KLHL18: variants seen among roughly 807,000 people sequenced by gnomAD.
The protein encoded by KLHL18 is kelch like family member 18.
A neutral mutation model predicts 58.5 loss-of-function variants in KLHL18; 38 were observed. The ratio of observed to expected loss-of-function variants is 0.65; its 90% confidence interval spans 0.50 to 0.85. The LOEUF is 0.85. Ranked by LOEUF, KLHL18 falls within the 40% of genes least tolerant of loss-of-function variation. The pLI is 0.00. For synonymous variants in KLHL18, 303 were observed against 301.9 expected (o/e 1.00, Z -0.04); for missense variants, 624 against 778.4 (o/e 0.80, Z 2.36).
chr3:47,283,064 G>A lies in KLHL18; in HGVS notation c.99G>A (p.Arg33=), dbSNP rs2107558114. Residue 33 remains arginine (R), a synonymous_variant, in exon 1 of 10, where the codon CGG becomes CGA. Coordinates refer to ENST00000232766, the MANE Select transcript of KLHL18 (RefSeq NM_025010.5). The part of the protein sequence containing the change: ...RGYGVMEEIR[R]QGKLCDVTLK... ...ACGGCGTCATGGAGGAGATCCGGCG[G>A]CAGGGCAAGCTGTGCGACGTGACCC... 1.9e-6 allele frequency: 3 copies of A among 1,592,104 alleles called. No homozygotes were observed. Among genetic ancestry groups the A allele is most frequent in the Non-Finnish European group, 2.6e-6 (3 of 1,169,738 alleles).
At chr3:47,288,936 C>T (rs1702735191) in intron 1 of KLHL18, among the ~76,000 whole-genome samples, 1 of 152,228 alleles carries the variant, frequency 6.6e-6, no homozygotes. Flanking sequence ...GAGCCCAAGG[C>T]TCAGGAAGCA....
intron 8 of KLHL18, among the ~76,000 whole-genome samples, chr3:47,342,339 A>T (rs1196943232): frequency 6.6e-6 from 1 of 152,208 alleles, no homozygotes; most frequent in African/African-American, 2.4e-5. Context: ...ACCAGCCAGG[A>T]CTTGGGGGAC....
In KLHL18 at chr3:47,334,813, T is replaced by A. The variant is rs528570743; in HGVS notation, c.892T>A (p.Ser298Thr). The A allele has an allele frequency of 6.2e-7, 1 of 1,612,642 alleles. No individual in the cohort carries two copies. Among genetic ancestry groups the A allele is most frequent in the African/African-American group, 1.3e-5 (1 of 74,988 alleles). ...GLIYAVGGLNSAGDSLNVVEV... is the reference protein window; with the variant it reads ...GLIYAVGGLNTAGDSLNVVEV... The stretch of plus-strand genomic sequence containing the variant: ...TATCTACGCTGTAGGGGGCCTCAAC[T>A]CAGCAGGTACCTTGCGGCTCCCCTT... The change falls in exon 6 of 10, where the codon TCA becomes ACA. Residue 298 changes from serine to threonine, a missense_variant. Transcript: ENST00000232766. This position sits in a 1 kb window ranked among gnomAD's most constrained non-coding sequence, Gnocchi z 4.7.
At chr3:47,341,105 T>TA (rs1351509699) in intron 8 of KLHL18, among the ~76,000 whole-genome samples, 2 of 152,194 alleles carry the variant, frequency 1.3e-5, no homozygotes, top group African/African-American at 4.8e-5. Flanking sequence ...TTCCATAAGA[T>TA]ATATTAACAT....
At chr3:47,313,993 A>C (rs1217065185) in intron 1 of KLHL18, among the ~76,000 whole-genome samples, 1 of 152,258 alleles carries the variant, frequency 6.6e-6, no homozygotes, top group Non-Finnish European at 1.5e-5. Flanking sequence ...GGCATACAAA[A>C]GGAGCTCAAT....
chr3:47,315,494 T>C (rs1315014408), intron 1 of KLHL18, among the ~76,000 whole-genome samples: 4 of 152,204 alleles, frequency 2.6e-5, no homozygotes, highest in African/African-American at 9.6e-5. Flanking sequence ...CATCCACCTC[T>C]TAGACCCAGT....
intron 1 of KLHL18, among the ~76,000 whole-genome samples, chr3:47,288,906 CCTTTGCTCTGGGCTG>C (rs1277593282): frequency 6.6e-6 from 1 of 152,222 alleles, no homozygotes; most frequent in African/African-American, 2.4e-5. Context: ...AGTTTCGTGT[CCTTTGCTCTGGGCTG>C]CCAGGAGCCC....
intron 7 of KLHL18, chr3:47,336,975 G>A (rs1704002281): frequency 7.1e-6 from 4 of 561,762 alleles, no homozygotes; most frequent in Admixed American, 3.2e-5. Flanking sequence ...GGGAGACCAG[G>A]CATGGACATG....
intron 1 of KLHL18, among the ~76,000 whole-genome samples, chr3:47,315,997 G>C (rs1200951219): frequency 1.3e-5 from 2 of 152,104 alleles, no homozygotes; most frequent in East Asian, 3.8e-4. Flanking sequence ...CTCACTGATA[G>C]ACCAAATGAA....
intron 1 of KLHL18, among the ~76,000 whole-genome samples, chr3:47,300,367 GTA>G (rs1201792899): frequency 8.2e-6 from 1 of 121,214 alleles, no homozygotes; most frequent in African/African-American, 2.9e-5. Flanking sequence ...GTGTACATAT[GTA>G]TATGTGTGTA....
intron 3 of KLHL18, among the ~76,000 whole-genome samples, chr3:47,328,631 A>G (rs1703780937): frequency 6.6e-6 from 1 of 152,094 alleles, no homozygotes; most frequent in East Asian, 1.9e-4. Flanking sequence ...CCTGATTTCA[A>G]TCTCAGCACC....
chr3:47,327,018 C>A (rs1703739905), intron 3 of KLHL18, among the ~76,000 whole-genome samples: 2 of 151,992 alleles, frequency 1.3e-5, no homozygotes, highest in Non-Finnish European at 1.5e-5. Context: ...GCAGGCAGAT[C>A]GCCTGAGGTC....
chr3:47,317,842 A>G (rs1703491637), intron 1 of KLHL18, among the ~76,000 whole-genome samples: 2 of 152,158 alleles, frequency 1.3e-5, no homozygotes, highest in South Asian at 4.1e-4. Context: ...TAGTAATATA[A>G]TAGTTATCTT....
At chr3:47,329,040 G>A (rs947825048) in intron 3 of KLHL18, among the ~76,000 whole-genome samples, 18 of 151,778 alleles carry the variant, frequency 1.2e-4, no homozygotes, top group Non-Finnish European at 4.4e-5. Context: ...GAGGCAGGAG[G>A]ATCGCTTGAG....
chr3:47,344,029 C>G lies in KLHL18; in HGVS notation c.*88C>G. On this transcript the variant is annotated 3_prime_UTR_variant, in exon 10 of 10. Coordinates refer to ENST00000232766, the MANE Select transcript of KLHL18 (RefSeq NM_025010.5). ...ACAGTCCCTCAGGAGAGGCAGTGGA[C>G]CAGAAGAGATGGCGAAACGTGAGCT... 1 of 1,518,574 alleles carries G rather than the reference C, an allele frequency of 6.6e-7. No individual in the cohort carries two copies. The highest frequency in any genetic ancestry group is 1.2e-5 in the South Asian group (1 of 83,620). The allele number at this position is 1,518,574 out of a possible 1,614,324, so 94.1% of individuals were successfully genotyped here.
At chr3:47,328,867 CAAG>C (rs1347100746) in intron 3 of KLHL18, among the ~76,000 whole-genome samples, 1 of 151,916 alleles carries the variant, frequency 6.6e-6, no homozygotes, top group Non-Finnish European at 1.5e-5. Context: ...CTATCTAAAA[CAAG>C]AAAAAATCTC....
Position 47,329,932 on chromosome 3 carries a change from T to G in KLHL18, c.402-19T>G, listed in dbSNP as rs766182312. The G allele has an allele frequency of 2.5e-6, 4 of 1,611,410 alleles. No individual in the cohort carries two copies. Among genetic ancestry groups the G allele is most frequent in the Non-Finnish European group, 3.4e-6 (4 of 1,178,256 alleles). ...ATCCTTTCTTCCTCTAATTTTTTTT[T>G]TCTTTCCTTATGCCAAAGGCTTCAC... On this transcript the variant is annotated intron_variant, in intron 3 of 9. Coordinates refer to ENST00000232766, the MANE Select transcript of KLHL18 (RefSeq NM_025010.5).
intron 1 of KLHL18, among the ~76,000 whole-genome samples, chr3:47,311,032 T>G (rs569047454): frequency 2.0e-5 from 3 of 151,794 alleles, no homozygotes; most frequent in South Asian, 4.2e-4. Context: ...TTTTTTGATC[T>G]GGAGTCTCGC....
intron 1 of KLHL18, among the ~76,000 whole-genome samples, chr3:47,308,637 C>T (rs1166106594): frequency 2.0e-5 from 3 of 152,186 alleles, no homozygotes; most frequent in Admixed American, 6.5e-5. Flanking sequence ...GTGATCCGCC[C>T]GCCTTGGCCT....
Sources: gnomAD v4.1 joint callset for allele counts (sites outside exome capture counted in the v4.1 genomes callset) on GRCh38, gnomAD v4.1.1 for gene constraint, Gnocchi (gnomAD v3.1) non-coding constraint, MANE v1.5 for transcripts, NCBI Gene and HGNC (gene_info 2026-07-23, HGNC 2026-07-21) for gene names.